SLC14A2: variants seen among roughly 807,000 people sequenced by gnomAD.
SLC14A2 encodes urea transporter 2.
SLC14A2 carries 91 observed loss-of-function variants against 104.6 expected under a neutral mutation model. The observed-to-expected ratio is 0.87, with a 90% CI of 0.73 to 1.04. The LOEUF (loss-of-function observed/expected upper bound fraction) is 1.04. Among genes scored for constraint, SLC14A2 ranks in the 50% least tolerant of loss-of-function variants. SLC14A2 has a pLI of 0.00. For missense variants in SLC14A2, 1,189 were observed against 1,156.0 expected, an observed-to-expected ratio of 1.03 and a Z score of -0.41; for synonymous variants, 476 against 466.4, an observed-to-expected ratio of 1.02 and a Z score of -0.27.
At chr18:45,410,207 G>T (rs982703534) in intron 1 of SLC14A2, among the ~76,000 whole-genome samples, 2 of 152,184 alleles carry the variant, frequency 1.3e-5, no homozygotes, top group Non-Finnish European at 2.9e-5. Flanking sequence ...TACAGATGAA[G>T]CTTCACTCAC....
intron 1 of SLC14A2, among the ~76,000 whole-genome samples, chr18:45,246,062 A>G (rs1329155349): frequency 2.6e-5 from 4 of 152,110 alleles, no homozygotes; most frequent in Non-Finnish European, 5.9e-5. Context: ...TCCCAGTGTG[A>G]TTTTATTTGG....
intron 2 of SLC14A2, among the ~76,000 whole-genome samples, chr18:45,533,572 A>G (rs1421155668): frequency 2.0e-5 from 3 of 152,046 alleles, no homozygotes; most frequent in Non-Finnish European, 2.9e-5. Context: ...TATTGCGTCT[A>G]TTTGATTCTT....
intron 13 of SLC14A2, among the ~76,000 whole-genome samples, 196 bp from the exon 14 acceptor site, chr18:45,667,637 G>C (rs1362118684): frequency 1.3e-5 from 2 of 152,190 alleles, no homozygotes. Context: ...GGCTGGTGAT[G>C]GGTCTCAAGA....
intron 1 of SLC14A2, among the ~76,000 whole-genome samples, chr18:45,286,662 A>G (rs1288509472): frequency 6.6e-6 from 1 of 152,056 alleles, no homozygotes; most frequent in African/African-American, 2.4e-5. Flanking sequence ...TTTATAATTG[A>G]CATTCACAGT....
chr18:45,174,172 G>A, the SLC14A2 span, among the ~76,000 whole-genome samples: 1 of 152,002 alleles, frequency 6.6e-6, no homozygotes, highest in Admixed American at 6.6e-5. Flanking sequence ...TGTACACCTA[G>A]GAAATGAGTT....
rs76167630 is a variant in SLC14A2, at chr18:45,644,188, G to A, written c.1351+28G>A. ...GAATAGCCATGTTCGGGGAAGAAAC[G>A]CTCTTTGCCTGACCTGATGTCCTCT... is the stretch of plus-strand genomic sequence containing the variant. On this transcript the variant is annotated intron_variant, in intron 10 of 19. Coordinates refer to ENST00000255226, the MANE Select transcript of SLC14A2 (RefSeq NM_007163.4). 3,133 of 1,610,338 alleles carry A rather than the reference G, an allele frequency of 1.9e-3. 56 individuals carry two copies. In the African/African-American group the frequency reaches 0.033, roughly 17 times the overall value.
chr18:45,330,110 G>C (rs1208908530), intron 1 of SLC14A2, among the ~76,000 whole-genome samples: 1 of 152,170 alleles, frequency 6.6e-6, no homozygotes, highest in Admixed American at 6.5e-5. Flanking sequence ...GACTGAAGGA[G>C]GGTCTGAACC....
chr18:45,677,192 C>T (rs191285271), intron 18 of SLC14A2, among the ~76,000 whole-genome samples: 8 of 152,308 alleles, frequency 5.3e-5, no homozygotes, highest in South Asian at 4.1e-4. Context: ...ACGGGGTTTT[C>T]GGAGGGTTTT....
intron 1 of SLC14A2, among the ~76,000 whole-genome samples, chr18:45,277,593 G>A (rs1341091017): frequency 6.6e-6 from 1 of 152,054 alleles, no homozygotes; most frequent in African/African-American, 2.4e-5. Flanking sequence ...ATTTTTTGTA[G>A]AGACAGGGTC....
At chr18:45,496,030 A>G (rs1477126330) in intron 2 of SLC14A2, among the ~76,000 whole-genome samples, 2 of 152,222 alleles carry the variant, frequency 1.3e-5, no homozygotes, top group African/African-American at 4.8e-5. Flanking sequence ...CCAATGCTTC[A>G]TGCCTATTAA....
intron 2 of SLC14A2, among the ~76,000 whole-genome samples, chr18:45,526,033 C>A (rs2043590279): frequency 6.6e-6 from 1 of 152,152 alleles, no homozygotes; most frequent in African/African-American, 2.4e-5. Context: ...ATAAAAGCAT[C>A]ATTTTACTTG....
At chr18:45,257,937 ACTATTG>A (rs1264165962) in intron 1 of SLC14A2, among the ~76,000 whole-genome samples, 1 of 152,190 alleles carries the variant, frequency 6.6e-6, no homozygotes, top group East Asian at 1.9e-4. Flanking sequence ...ACGCACAAGG[ACTATTG>A]CTCCCAAATG....
intron 1 of SLC14A2, among the ~76,000 whole-genome samples, chr18:45,336,391 A>G (rs981545403): frequency 3.9e-5 from 6 of 152,194 alleles, no homozygotes; most frequent in African/African-American, 1.2e-4. Flanking sequence ...TCAGCCTGCC[A>G]TAGTTAATAA....
At chr18:45,505,180 G>A (rs779728637) in intron 2 of SLC14A2, among the ~76,000 whole-genome samples, 2 of 152,288 alleles carry the variant, frequency 1.3e-5, no homozygotes, top group South Asian at 2.1e-4. Flanking sequence ...CAGCAGGCTA[G>A]GGAGAGGCTG....
Position 45,663,919 on chromosome 18 carries a change from C to G in SLC14A2, c.1474+12C>G. The G allele has an allele frequency of 6.2e-7, 1 of 1,604,604 alleles. No individual in the cohort carries two copies. The highest frequency in any genetic ancestry group is 8.5e-7 in the Non-Finnish European group (1 of 1,175,166). Reference sequence around the variant, plus strand: ...GAGGAGGAGCAAAGGTGTGCATGTCCTCCCCCTCACGCTTGGATCCCTGCC... The same window carrying G: ...GAGGAGGAGCAAAGGTGTGCATGTCGTCCCCCTCACGCTTGGATCCCTGCC... On this transcript the variant is annotated intron_variant, in intron 11 of 19. Coordinates refer to ENST00000255226, the MANE Select transcript of SLC14A2 (RefSeq NM_007163.4).
At chr18:45,518,878 C>T (rs970580436) in intron 2 of SLC14A2, among the ~76,000 whole-genome samples, 5 of 152,172 alleles carry the variant, frequency 3.3e-5, no homozygotes, top group Admixed American at 2.0e-4. Flanking sequence ...CTGTTTTGCA[C>T]AGGTGTCAGG....
intron 1 of SLC14A2, among the ~76,000 whole-genome samples, chr18:45,476,214 G>T (rs1435498061): frequency 6.6e-6 from 1 of 152,092 alleles, no homozygotes; most frequent in African/African-American, 2.4e-5. Context: ...GTCTGTAAAG[G>T]ATTTTATTTC....
chr18:45,204,335 G>A, the SLC14A2 span, among the ~76,000 whole-genome samples: 140 of 152,306 alleles, frequency 9.2e-4, no homozygotes, highest in Middle Eastern at 6.8e-3. Flanking sequence ...CTGAATGGCC[G>A]TTAAATGGAA....
chr18:45,202,702 G>T, the SLC14A2 span, among the ~76,000 whole-genome samples: 2 of 152,022 alleles, frequency 1.3e-5, no homozygotes, highest in Non-Finnish European at 2.9e-5. Flanking sequence ...AGATTCTATG[G>T]GAAGTGGTTC....
Sources: allele counts gnomAD v4.1 joint callset (sites outside exome capture counted in the v4.1 genomes callset), GRCh38; gene constraint gnomAD v4.1.1; transcripts MANE v1.5; gene names NCBI Gene and HGNC (gene_info 2026-07-23, HGNC 2026-07-21).